Variants in MEIS1 observed in about 807,000 individuals in gnomAD.
MEIS1 encodes homeobox protein Meis1.
Under a neutral mutation model 50.8 loss-of-function variants are expected in MEIS1, and 5 were observed. The observed-to-expected ratio is 0.10, with a 90% CI of 0.05 to 0.21. The LOEUF is 0.21. Among genes scored for constraint, MEIS1 ranks in the 10% least tolerant of loss-of-function variants. MEIS1 has a pLI of 1.00. For missense variants in MEIS1, 318 were observed against 517.3 expected (o/e 0.61, Z 3.74); for synonymous variants, 176 against 179.3 (o/e 0.98, Z 0.15).
intron 8 of MEIS1, among the ~76,000 whole-genome samples, chr2:66,534,431 G>A (rs1196215349): frequency 6.6e-6 from 1 of 152,102 alleles, no homozygotes; most frequent in African/African-American, 2.4e-5. Context: ...CTACTTGAGA[G>A]GCTGAGGCAG....
intron 7 of MEIS1, 55 bp downstream of exon 7, chr2:66,464,275 A>G: frequency 7.2e-7 from 1 of 1,391,556 alleles, no homozygotes; most frequent in African/African-American, 1.4e-5. Context: ...GGATTGAAAA[A>G]TCAGAAATGT....
chr2:66,566,578 G>A (rs916390294), intron 9 of MEIS1, among the ~76,000 whole-genome samples: 14 of 127,842 alleles, frequency 1.1e-4, no homozygotes, highest in South Asian at 2.8e-4. Flanking sequence ...AATCTCATGC[G>A]TATGACTCTG....
intron 8 of MEIS1, among the ~76,000 whole-genome samples, chr2:66,547,326 A>G (rs1420837865): frequency 6.6e-6 from 1 of 152,122 alleles, no homozygotes; most frequent in East Asian, 1.9e-4. Context: ...CTTTGACCTT[A>G]TATTGGCCTG....
intron 10 of MEIS1, chr2:66,567,883 A>G: frequency 2.1e-6 from 1 of 469,348 alleles, no homozygotes. Context: ...AAACTTTATT[A>G]CCTGTCAAAA....
chr2:66,440,584 T>C lies in MEIS1; in HGVS notation c.404T>C (p.Phe135Ser). 4 of 1,613,216 alleles carry C rather than the reference T, an allele frequency of 2.5e-6. No homozygotes were observed. The highest frequency in any genetic ancestry group is 3.4e-6 in the Non-Finnish European group (4 of 1,179,616). Residue 135 changes from phenylalanine to serine, a missense_variant, in exon 4 of 13, where the codon TTT becomes TCT. Physicochemically the swap from Phe to Ser is radical, Grantham distance 155. Coordinates refer to ENST00000272369, the MANE Select transcript of MEIS1 (RefSeq NM_002398.3). ...TAGATTCGCGCAGAAAAACCTCTAT[T>C]TTCTTCTAATCCAGAACTGGATAAC... ...AKQIRAEKPLFSSNPELDNLM... is the reference protein window; with the variant it reads ...AKQIRAEKPLSSSNPELDNLM...
intron 9 of MEIS1, among the ~76,000 whole-genome samples, chr2:66,555,230 T>C (rs1384060370): frequency 6.6e-6 from 1 of 151,946 alleles, no homozygotes; most frequent in African/African-American, 2.4e-5. Context: ...AAATAACTTT[T>C]TGAATTGTGG....
At chr2:66,470,011 G>A (rs2103758171) in intron 7 of MEIS1, among the ~76,000 whole-genome samples, 1 of 152,012 alleles carries the variant, frequency 6.6e-6, no homozygotes, top group South Asian at 2.1e-4. Flanking sequence ...GAAGGAAAAT[G>A]GTTACAAACG....
At chr2:66,550,663 AT>A (rs888743582) in intron 9 of MEIS1, among the ~76,000 whole-genome samples, 17 of 150,952 alleles carry the variant, frequency 1.1e-4, no homozygotes, top group Admixed American at 2.6e-4. Flanking sequence ...TGCCCAGTTA[AT>A]TTTTTTTTCT....
chr2:66,447,476 C>A (rs1672180756), intron 6 of MEIS1, among the ~76,000 whole-genome samples: 1 of 152,176 alleles, frequency 6.6e-6, no homozygotes, highest in Non-Finnish European at 1.5e-5. Context: ...TGGCAAGATT[C>A]TCTTTAATGA....
At chr2:66,533,371 TAGTC>T (rs775440214) in intron 8 of MEIS1, among the ~76,000 whole-genome samples, 4 of 152,148 alleles carry the variant, frequency 2.6e-5, no homozygotes, top group African/African-American at 9.7e-5. Flanking sequence ...CTCAGTGCCT[TAGTC>T]AGTCCCCGAG....
chr2:66,479,155 CAGT>C (rs1672960405), intron 7 of MEIS1, among the ~76,000 whole-genome samples: 1 of 152,182 alleles, frequency 6.6e-6, no homozygotes, highest in Non-Finnish European at 1.5e-5. Flanking sequence ...AATTGGATGT[CAGT>C]AGCAATTGCA....
intron 7 of MEIS1, chr2:66,496,103 T>A (rs894261675): frequency 1.3e-5 from 2 of 152,444 alleles, no homozygotes; most frequent in Non-Finnish European, 2.9e-5. Flanking sequence ...AGCCAGCTGA[T>A]GTTGGAGAGA....
rs116502687 is a variant in MEIS1 at position 66,459,968 on chromosome 2, A to G, written c.631-4141A>G. On this transcript the variant is annotated intron_variant, in intron 6 of 12. Transcript: ENST00000272369. ...ACACACGTCTGGTAGCATATAGGAA[A>G]TCAAACCACTGTGGAGGAGGGAATT... Among the ~76,000 whole-genome samples, 1,301 of 152,312 alleles carry G rather than the reference A, an allele frequency of 8.5e-3. 24 individuals carry two copies. Among genetic ancestry groups the G allele is most frequent in the African/African-American group, 0.03 (1,256 of 41,568 alleles).
intron 6 of MEIS1, among the ~76,000 whole-genome samples, chr2:66,445,488 C>A (rs1672110223): frequency 6.6e-6 from 1 of 152,196 alleles, no homozygotes; most frequent in South Asian, 2.1e-4. Flanking sequence ...GTGCGGCGTC[C>A]TGGGGGCCGG....
rs1386755796 is a variant in MEIS1 at position 66,437,805 on chromosome 2, G to T, written c.81G>T (p.Pro27=). Residue 27 remains proline (P), a synonymous_variant, in exon 2 of 13, where the codon CCG becomes CCT. Transcript: ENST00000272369. ...VGIPSTMYGD[P]HAARSMQPVH... ...TCCCCTCCACGATGTATGGGGACCC[G>T]CATGCAGCCAGGTCCATGCAGCCGG... The T allele has an allele frequency of 6.2e-7, 1 of 1,613,890 alleles. No individual in the cohort carries two copies. The highest frequency in any genetic ancestry group is 1.3e-5 in the African/African-American group (1 of 75,030).
At chr2:66,440,660 C>T (rs1671950203) in intron 4 of MEIS1, 48 bp downstream of exon 4, 1 of 1,179,628 alleles carries the variant, frequency 8.5e-7, no homozygotes. Flanking sequence ...CCCCCTACCT[C>T]CCACCTCCAA....
chr2:66,440,064 C>CGCGA, intron 3 of MEIS1, 80 bp downstream of exon 3: 1 of 1,227,044 alleles, frequency 8.1e-7, no homozygotes, highest in Non-Finnish European at 1.1e-6. Flanking sequence ...CGCGCGCGCG[C>CGCGA]GCGAACACAC....
At chr2:66,473,397 A>AAAAAAAAAAAAAAAATAT in intron 7 of MEIS1, among the ~76,000 whole-genome samples, 2 of 107,596 alleles carry the variant, frequency 1.9e-5, no homozygotes, top group African/African-American at 1.2e-4. Flanking sequence ...AAAAAAAAAA[A>AAAAAAAAAAAAAAAATAT]ATATATATAT....
chr2:66,547,835 C>T (rs1674828206), intron 8 of MEIS1, 108 bp from the exon 9 acceptor site: 1 of 984,652 alleles, frequency 1.0e-6, no homozygotes, highest in African/African-American at 1.6e-5. Flanking sequence ...AAGAGTGACA[C>T]ACCTCAGCAT....
Sources: gnomAD v4.1 joint callset for allele counts (sites outside exome capture counted in the v4.1 genomes callset) on GRCh38, gnomAD v4.1.1 for gene constraint, MANE v1.5 for transcripts, NCBI Gene and HGNC (gene_info 2026-07-23, HGNC 2026-07-21) for gene names.